Variants in LRP1B observed in about 807,000 individuals in gnomAD.
LRP1B encodes low-density lipoprotein receptor-related protein 1B.
LRP1B carries 217 observed loss-of-function variants against 556.6 expected under a neutral mutation model. The observed-to-expected ratio is 0.39, with a 90% confidence interval of 0.35 to 0.44. The LOEUF (loss-of-function observed/expected upper bound fraction) is 0.44, where lower values mean the gene tolerates loss of function less well. LRP1B is among the 20% of genes least tolerant of loss of function. LRP1B has a pLI of 1.00. For missense variants in LRP1B, 5,053 were observed against 5,620.8 expected (o/e 0.90, Z 3.23); for synonymous variants, 2,047 against 1,865.8 (o/e 1.10, Z -2.50).
intron 37 of LRP1B, among the ~76,000 whole-genome samples, chr2:140,712,506 A>G (rs1270831719): frequency 6.6e-6 from 1 of 151,824 alleles, no homozygotes. Flanking sequence ...GCTCCCTGGA[A>G]TTTGTCTCCC....
intron 35 of LRP1B, among the ~76,000 whole-genome samples, chr2:140,732,651 G>A (rs1464106598): frequency 6.6e-6 from 1 of 151,810 alleles, no homozygotes. Context: ...TGTTCATGCT[G>A]ACCAAAGGTT....
intron 3 of LRP1B, among the ~76,000 whole-genome samples, chr2:141,261,224 G>T (rs775984311): frequency 2.0e-5 from 3 of 152,130 alleles, no homozygotes; most frequent in African/African-American, 4.8e-5. Context: ...CTGCTTACAT[G>T]AATTTCTTCA....
At chr2:141,308,277 C>CA (rs1376713500) in intron 3 of LRP1B, among the ~76,000 whole-genome samples, 3 of 152,094 alleles carry the variant, frequency 2.0e-5, no homozygotes, top group Non-Finnish European at 2.9e-5. Context: ...ACAACAACAA[C>CA]AAAACCTCAG....
chr2:140,863,590 G>A (rs1463451719), intron 27 of LRP1B, among the ~76,000 whole-genome samples: 1 of 152,084 alleles, frequency 6.6e-6, no homozygotes, highest in Non-Finnish European at 1.5e-5. Flanking sequence ...GCCCAATCTT[G>A]TCTCTGATTT....
At chr2:141,818,682 G>C (rs1025398289) in intron 1 of LRP1B, among the ~76,000 whole-genome samples, 1 of 151,036 alleles carries the variant, frequency 6.6e-6, no homozygotes, top group African/African-American at 2.4e-5. Flanking sequence ...GACTACAGGC[G>C]CCTGCCACCA....
rs993872309 is a variant in LRP1B, at chr2:140,350,733, T to G, written c.11892+64A>C. ...ATAATTAGATATTATATTAGATAAA[T>G]TTTGTTTAAAAAGCAGGTGGGGAAA... On this transcript the variant is annotated intron_variant, in intron 77 of 90. Transcript: ENST00000389484. 4.1e-6 allele frequency: 6 copies of G among 1,457,090 alleles called. No homozygotes were observed. The African/African-American group carries it at 7.2e-5, about 18-fold the overall frequency. 90.3% of individuals were successfully genotyped at this position (1,457,090 alleles called of 1,614,324 possible).
intron 60 of LRP1B, among the ~76,000 whole-genome samples, chr2:140,471,323 T>C (rs1357833107): frequency 1.3e-5 from 2 of 152,106 alleles, no homozygotes; most frequent in Non-Finnish European, 2.9e-5. Context: ...GAATAGCACT[T>C]TTGCTCTTAA....
At chr2:141,910,386 A>C (rs1357891707) in intron 1 of LRP1B, among the ~76,000 whole-genome samples, 1 of 152,110 alleles carries the variant, frequency 6.6e-6, no homozygotes, top group African/African-American at 2.4e-5. Context: ...CATGGGTGAG[A>C]CTATGTCTTT....
At chr2:141,245,946 C>T (rs1274502184) in intron 5 of LRP1B, among the ~76,000 whole-genome samples, 1 of 152,012 alleles carries the variant, frequency 6.6e-6, no homozygotes, top group East Asian at 1.9e-4. Flanking sequence ...TATTGAGAAC[C>T]TATATGTTCT....
intron 7 of LRP1B, among the ~76,000 whole-genome samples, chr2:141,102,369 T>C (rs187273165): frequency 4.6e-5 from 7 of 152,146 alleles, no homozygotes; most frequent in African/African-American, 2.4e-5. Context: ...TCCTGAAAAG[T>C]TTTTTCGAGG....
At chr2:140,269,170 CTG>C (rs34174288) in intron 86 of LRP1B, 8 of 429,194 alleles carry the variant, frequency 1.9e-5, no homozygotes, top group Non-Finnish European at 3.4e-5. Context: ...TAAGTATACT[CTG>C]TGAAATGCAT....
At chr2:140,951,793 G>A (rs1282715196) in intron 19 of LRP1B, 67 bp downstream of exon 19, 2 of 1,262,968 alleles carry the variant, frequency 1.6e-6, no homozygotes, top group East Asian at 4.7e-5. Flanking sequence ...TCTGAAGAAA[G>A]CCAGGCAGTC....
intron 2 of LRP1B, among the ~76,000 whole-genome samples, chr2:141,740,905 T>G (rs996996072): frequency 6.6e-6 from 1 of 152,100 alleles, no homozygotes; most frequent in African/African-American, 2.4e-5. Flanking sequence ...CTCATCCCCC[T>G]ACCCCCCAAC....
chr2:142,098,753 T>A (rs543500442), intron 1 of LRP1B, among the ~76,000 whole-genome samples: 2 of 151,954 alleles, frequency 1.3e-5, no homozygotes, highest in South Asian at 4.1e-4. Context: ...GTAAATTCAA[T>A]CTTAAACTTA....
chr2:140,694,466 C>A (rs1223634326), intron 41 of LRP1B, among the ~76,000 whole-genome samples: 1 of 152,156 alleles, frequency 6.6e-6, no homozygotes, highest in African/African-American at 2.4e-5. Context: ...CAGATAGTGT[C>A]TACTACTTCT....
At chr2:141,153,308 T>C (rs1318355956) in intron 7 of LRP1B, among the ~76,000 whole-genome samples, 1 of 120,148 alleles carries the variant, frequency 8.3e-6, no homozygotes, top group Non-Finnish European at 1.7e-5. Flanking sequence ...TAATATATTA[T>C]ATATATTAGC....
intron 2 of LRP1B, among the ~76,000 whole-genome samples, chr2:141,637,286 G>T (rs11690612): frequency 0.51 from 76,846 of 151,962 alleles, 20,154 homozygotes; most frequent in Non-Finnish European, 0.59. Flanking sequence ...ATCAAGAAAT[G>T]CACACCTTCT....
At chr2:140,285,332 C>T (rs1010741) in intron 84 of LRP1B, among the ~76,000 whole-genome samples, 1 of 38,254 alleles carries the variant, frequency 2.6e-5, no homozygotes, top group Non-Finnish European at 1.4e-4. Context: ...CACATATACA[C>T]ATACATATGT....
chr2:141,176,584 T>G (rs1052545521), intron 7 of LRP1B, among the ~76,000 whole-genome samples: 2 of 151,374 alleles, frequency 1.3e-5, no homozygotes, highest in African/African-American at 2.4e-5. Context: ...CAATTAAACC[T>G]CTTTTCTTCA....
Sources: allele counts gnomAD v4.1 joint callset (sites outside exome capture counted in the v4.1 genomes callset), GRCh38; gene constraint gnomAD v4.1.1; transcripts MANE v1.5; gene names NCBI Gene and HGNC (gene_info 2026-07-23, HGNC 2026-07-21).